The following CBR4 variants were observed in gnomAD, a reference collection of about 807,000 sequenced individuals.
The protein encoded by CBR4 is 3-oxoacyl-[acyl-carrier-protein] reductase.
In CBR4, 22 loss-of-function variants were observed where a neutral mutation model predicts 21.0. The ratio of observed to expected loss-of-function variants is 1.05; its 90% CI spans 0.75 to 1.50. CBR4 has a LOEUF of 1.50. CBR4 is among the 40% of genes most tolerant of loss of function. CBR4 has a pLI of 0.00. For synonymous variants in CBR4, 100 were observed against 104.4 expected, an observed-to-expected ratio of 0.96 and a Z score of 0.26; for missense variants, 302 against 286.3, an observed-to-expected ratio of 1.05 and a Z score of -0.40.
chr4:168,952,316 C>T (rs771314048), intron 2 of CBR4, among the ~76,000 whole-genome samples: 13 of 151,908 alleles, frequency 8.6e-5, no homozygotes, highest in Non-Finnish European at 1.5e-4. Flanking sequence ...TCTCCCTTCA[C>T]TTCTTGTATC....
chr4:168,926,744 C>T (rs780929541), intron 2 of CBR4: 2 of 260,902 alleles, frequency 7.7e-6, no homozygotes, highest in Non-Finnish European at 1.5e-5. Flanking sequence ...GCTGTGTAGC[C>T]TGATAGTGTG....
At chr4:168,939,249 C>T (rs901727822) in intron 2 of CBR4, among the ~76,000 whole-genome samples, 3 of 152,152 alleles carry the variant, frequency 2.0e-5, no homozygotes, top group Non-Finnish European at 4.4e-5. Flanking sequence ...ATTCAACACC[C>T]CTTCATGCAA....
intron 2 of CBR4, 63 bp downstream of exon 2, chr4:169,007,573 G>C: frequency 9.8e-7 from 1 of 1,017,924 alleles, no homozygotes; most frequent in Non-Finnish European, 1.3e-6. Context: ...ACCAATCAAA[G>C]ACATATTAGG....
At chr4:168,911,296 T>A (rs144267099) in intron 2 of CBR4, among the ~76,000 whole-genome samples, 1 of 152,362 alleles carries the variant, frequency 6.6e-6, no homozygotes, top group East Asian at 1.9e-4. Context: ...CAAGTTTAAG[T>A]CTGAATTTAA....
chr4:169,009,940 G>C lies in CBR4; in HGVS notation c.142+8C>G. ...CATACAACTGGACAACTCCAGTTTG[G>C]TACCTACCGCCGAGGTCACCGGCGG... On this transcript the variant is annotated splice_region_variant and intron_variant, in intron 1 of 4. Transcript: ENST00000306193. 2 of 1,608,878 alleles carry C rather than the reference G, an allele frequency of 1.2e-6. No individual in the cohort carries two copies. Among genetic ancestry groups the C allele is most frequent in the Non-Finnish European group, 8.5e-7 (1 of 1,177,964 alleles).
chr4:168,943,943 G>A (rs1204658252), intron 2 of CBR4, among the ~76,000 whole-genome samples: 1 of 151,722 alleles, frequency 6.6e-6, no homozygotes, highest in South Asian at 2.1e-4. Context: ...AAAACAAAAC[G>A]CCTCTGATAA....
chr4:169,007,887 T>C, intron 1 of CBR4, 131 bp from the exon 2 acceptor site: 2 of 539,198 alleles, frequency 3.7e-6, no homozygotes, highest in Non-Finnish European at 6.1e-6. Flanking sequence ...AAAAGTAATG[T>C]CATGAGGCCT....
chr4:168,947,415 G>C (rs909290232), intron 2 of CBR4, among the ~76,000 whole-genome samples: 2 of 151,970 alleles, frequency 1.3e-5, no homozygotes, highest in Non-Finnish European at 2.9e-5. Context: ...AGGTTACTGG[G>C]GTACAGGTGG....
At chr4:168,903,392 T>C (rs1756960710) in intron 2 of CBR4, among the ~76,000 whole-genome samples, 1 of 152,038 alleles carries the variant, frequency 6.6e-6, no homozygotes, top group South Asian at 2.1e-4. Context: ...AAAAGAAAAA[T>C]GGCCTTCATA....
At chr4:168,986,533 C>T (rs755362795), downstream of CBR4, among the ~76,000 whole-genome samples, 6 of 152,148 alleles carry the variant, frequency 3.9e-5, no homozygotes, top group African/African-American at 9.7e-5. Flanking sequence ...CCAGAAACTT[C>T]GAGTTCGGTT....
intron 2 of CBR4, among the ~76,000 whole-genome samples, chr4:168,947,277 A>G (rs1317547192): frequency 1.3e-5 from 2 of 152,042 alleles, no homozygotes; most frequent in Admixed American, 6.6e-5. Context: ...TTTTCTTACA[A>G]TTTATCTATT....
intron 2 of CBR4, among the ~76,000 whole-genome samples, chr4:168,932,225 A>T (rs1232598069): frequency 6.6e-6 from 1 of 151,994 alleles, no homozygotes; most frequent in Non-Finnish European, 1.5e-5. Context: ...TTTGAATGAG[A>T]AATTCAACAA....
At chr4:168,952,506 A>G (rs1763569706) in intron 2 of CBR4, among the ~76,000 whole-genome samples, 1 of 152,038 alleles carries the variant, frequency 6.6e-6, no homozygotes, top group Non-Finnish European at 1.5e-5. Flanking sequence ...TTGTCATATT[A>G]CCAGAGTTGG....
At chr4:168,919,304 A>G (rs1760920452) in intron 2 of CBR4, among the ~76,000 whole-genome samples, 1 of 152,096 alleles carries the variant, frequency 6.6e-6, no homozygotes, top group African/African-American at 2.4e-5. Flanking sequence ...CAGGTGGATC[A>G]CCTGAGGTCA....
intron 2 of CBR4, among the ~76,000 whole-genome samples, chr4:168,958,479 T>G (rs571163594): frequency 5.3e-5 from 8 of 152,368 alleles, no homozygotes; most frequent in African/African-American, 1.9e-4. Flanking sequence ...AATGAATATG[T>G]GGATTGCTTA....
At chr4:168,991,537 A>G (rs995649146) in intron 4 of CBR4, among the ~76,000 whole-genome samples, 1 of 152,220 alleles carries the variant, frequency 6.6e-6, no homozygotes, top group Non-Finnish European at 1.5e-5. Flanking sequence ...ATTCAAATTC[A>G]GTAAAGCCTG....
At position 169,007,650 on chromosome 4, in the gene CBR4, T is replaced by C; in HGVS notation, c.249A>G (p.Ala83=). ...HLGRVNFLVN[A]AGINRDGLLV... The stretch of plus-strand genomic sequence containing the variant: ...CTGTGACCAACCTGTTAATACCAGC[T>C]GCATTTACCAAGAAATTTACTCGAC... Residue 83 remains alanine, a synonymous_variant, in exon 2 of 5, where the codon GCA becomes GCG. Coordinates refer to ENST00000306193, the MANE Select transcript of CBR4 (RefSeq NM_032783.5). 1.0e-5 allele frequency: 16 copies of C among 1,580,966 alleles called. No homozygotes were observed. Among genetic ancestry groups the C allele is most frequent in the Non-Finnish European group, 1.4e-5 (16 of 1,165,852 alleles).
At position 168,999,726 on chromosome 4, in the gene CBR4, C is replaced by T. The variant is rs367650930; in HGVS notation, c.535+2345G>A. Among the ~76,000 whole-genome samples, 92 of 152,010 alleles carry T rather than the reference C, an allele frequency of 6.1e-4. 1 individual carries two copies. In the East Asian group the frequency reaches 0.013, roughly 21 times the overall value. ...CTTCCATAACAATCTTAAAACTTCC[C>T]CTTAGTATGCAAACTGGATTCCCAC... On this transcript the variant is annotated intron_variant, in intron 4 of 4. Coordinates refer to ENST00000306193, the MANE Select transcript of CBR4 (RefSeq NM_032783.5).
intron 2 of CBR4, among the ~76,000 whole-genome samples, chr4:168,977,561 C>T (rs1300380459): frequency 6.6e-6 from 1 of 152,134 alleles, no homozygotes; most frequent in Non-Finnish European, 1.5e-5. Flanking sequence ...CTAAGCAATC[C>T]CTTCCATTCC....
Sources: gnomAD v4.1 joint callset for allele counts (sites outside exome capture counted in the v4.1 genomes callset) on GRCh38, gnomAD v4.1.1 for gene constraint, MANE v1.5 for transcripts, NCBI Gene and HGNC (gene_info 2026-07-23, HGNC 2026-07-21) for gene names.